ANKRD55: variants seen among roughly 807,000 people sequenced by gnomAD.
ANKRD55 encodes ankyrin repeat domain 55.
In ANKRD55, 41 loss-of-function variants were observed where a neutral mutation model predicts 60.6. The ratio of observed to expected loss-of-function variants is 0.68; its 90% CI spans 0.53 to 0.88. The LOEUF is 0.88. Ranked by LOEUF, ANKRD55 falls within the 40% of genes least tolerant of loss-of-function variation. The probability of loss-of-function intolerance (pLI) is 0.00; values close to 1 mark genes in which losing one functional copy is unlikely to be tolerated. For synonymous variants in ANKRD55, 264 were observed against 290.3 expected (o/e 0.91, Z 0.92); for missense variants, 732 against 767.6 (o/e 0.95, Z 0.55).
At chr5:56,137,142 C>G in intron 7 of ANKRD55, 1 of 1,377,090 alleles carries the variant, frequency 7.3e-7, no homozygotes, top group Admixed American at 1.7e-5. Context: ...TTTACAGAAA[C>G]AGTGTGTACC....
At chr5:56,134,877 A>T (rs1757517498) in intron 7 of ANKRD55, among the ~76,000 whole-genome samples, 1 of 152,194 alleles carries the variant, frequency 6.6e-6, no homozygotes, top group African/African-American at 2.4e-5. Flanking sequence ...AGAATCTAGC[A>T]ACGTAAAAAA....
At chr5:56,174,604 C>T (rs892002872) in intron 4 of ANKRD55, among the ~76,000 whole-genome samples, 13 of 152,000 alleles carry the variant, frequency 8.6e-5, no homozygotes, top group Admixed American at 5.9e-4. Context: ...GAGGCTGAGG[C>T]GGGCAGATCA....
intron 2 of ANKRD55, among the ~76,000 whole-genome samples, chr5:56,188,356 A>AC (rs1412949365): frequency 3.2e-4 from 39 of 122,092 alleles, no homozygotes; most frequent in East Asian, 3.0e-3. Context: ...CAACCCCGCC[A>AC]CCCCCCTACA....
At chr5:56,231,808 C>T (rs1217601056) in intron 2 of ANKRD55, among the ~76,000 whole-genome samples, 3 of 151,988 alleles carry the variant, frequency 2.0e-5, no homozygotes, top group Admixed American at 1.3e-4. Context: ...TTTGGAGAAA[C>T]CCCCTGGGCT....
chr5:56,197,743 G>A (rs1275358883), intron 2 of ANKRD55, among the ~76,000 whole-genome samples: 3 of 152,076 alleles, frequency 2.0e-5, no homozygotes, highest in Non-Finnish European at 4.4e-5. Flanking sequence ...AATTTCAGAG[G>A]AGTTTTTCTT....
intron 9 of ANKRD55, among the ~76,000 whole-genome samples, chr5:56,112,510 A>AAAAAAAAAACAAAAAAAAAAAAAAAC (rs1756750549): frequency 3.6e-5 from 5 of 138,002 alleles, no homozygotes; most frequent in African/African-American, 1.3e-4. Flanking sequence ...CTAGCAAAAA[A>AAAAAAAAAACAAAAAAAAAAAAAAAC]AAAAAAAAAA....
At chr5:56,184,201 G>C (rs1758915805) in intron 2 of ANKRD55, among the ~76,000 whole-genome samples, 1 of 152,236 alleles carries the variant, frequency 6.6e-6, no homozygotes, top group South Asian at 2.1e-4. Context: ...GGAGAAGAGA[G>C]AGATGGGACA....
chr5:56,185,089 G>A (rs1265597798), intron 2 of ANKRD55, among the ~76,000 whole-genome samples: 1 of 152,078 alleles, frequency 6.6e-6, no homozygotes, highest in Non-Finnish European at 1.5e-5. Context: ...CAGGTGTGGT[G>A]GCATGTGCCT....
At chr5:56,202,337 G>T (rs1759399775) in intron 2 of ANKRD55, among the ~76,000 whole-genome samples, 1 of 152,042 alleles carries the variant, frequency 6.6e-6, no homozygotes, top group Non-Finnish European at 1.5e-5. Context: ...AACAAAGTGT[G>T]CCTGTTGTTA....
intron 5 of ANKRD55, among the ~76,000 whole-genome samples, chr5:56,166,644 G>A (rs940709389): frequency 5.3e-5 from 8 of 151,724 alleles, no homozygotes; most frequent in East Asian, 1.9e-4. Flanking sequence ...GAGAAAACAC[G>A]GGCAGGAAAA....
intron 2 of ANKRD55, among the ~76,000 whole-genome samples, chr5:56,198,802 G>C (rs1423097465): frequency 1.3e-5 from 2 of 149,660 alleles, no homozygotes; most frequent in Non-Finnish European, 3.0e-5. Flanking sequence ...TTAGGGGCTG[G>C]GCAGCGGTGG....
intron 4 of ANKRD55, among the ~76,000 whole-genome samples, chr5:56,173,600 A>ATATT (rs1554041257): frequency 7.3e-6 from 1 of 136,814 alleles, no homozygotes; most frequent in African/African-American, 2.9e-5. Flanking sequence ...ATATATATAT[A>ATATT]TATATATCTT....
At chr5:56,204,555 C>T (rs935103753) in intron 2 of ANKRD55, among the ~76,000 whole-genome samples, 1 of 152,104 alleles carries the variant, frequency 6.6e-6, no homozygotes, top group Admixed American at 6.5e-5. Context: ...CTTGGCACTT[C>T]TCCTTCCTGC....
intron 5 of ANKRD55, among the ~76,000 whole-genome samples, chr5:56,161,437 C>T (rs191665300): frequency 2.0e-5 from 3 of 152,316 alleles, no homozygotes; most frequent in East Asian, 3.9e-4. Context: ...AAATCTTTAT[C>T]GTCTCTCAGA....
rs6860472 is a variant in ANKRD55 at position 56,102,475 on chromosome 5, G to C, written c.1723+19C>G. 2.7e-5 allele frequency: 42 copies of C among 1,533,898 alleles called. No homozygotes were observed. The highest frequency in any genetic ancestry group is 3.7e-5 in the Non-Finnish European group (41 of 1,109,264). ...GTTAACACTTGCAAAGGAAGCTGCG[G>C]AAGATTCATAATACTTACATTTTTG... is the stretch of plus-strand genomic sequence containing the variant. On this transcript the variant is annotated intron_variant, in intron 11 of 11. Transcript: ENST00000341048.
chr5:56,215,875 G>C (rs1339726916), intron 2 of ANKRD55, among the ~76,000 whole-genome samples: 1 of 151,912 alleles, frequency 6.6e-6, no homozygotes, highest in Non-Finnish European at 1.5e-5. Context: ...AGGAGTACTG[G>C]CTAGTATTCT....
chr5:56,153,062 ATAAAC>A (rs1354226716), intron 6 of ANKRD55, among the ~76,000 whole-genome samples: 1 of 152,228 alleles, frequency 6.6e-6, no homozygotes, highest in Non-Finnish European at 1.5e-5. Context: ...TATTCAGCAT[ATAAAC>A]TAAACTCCTA....
At position 56,133,381 on chromosome 5, in the gene ANKRD55, G is replaced by A. The variant is rs1757476952; in HGVS notation, c.613-6275C>T. Among the ~76,000 whole-genome samples, 2 of 149,592 alleles carry A rather than the reference G, an allele frequency of 1.3e-5. 1 individual carries two copies. Among genetic ancestry groups the A allele is most frequent in the Non-Finnish European group, 3.0e-5 (2 of 67,588 alleles). On this transcript the variant is annotated intron_variant, in intron 7 of 11. Transcript: ENST00000341048. ...TTGAACCTAGGAGGCGGAGGTTGTA[G>A]TGAGCCGAGATTGTGCCACTGCACT... is the stretch of plus-strand genomic sequence containing the variant.
intron 10 of ANKRD55, among the ~76,000 whole-genome samples, chr5:56,105,488 C>A (rs1756431988): frequency 6.6e-6 from 1 of 152,140 alleles, no homozygotes; most frequent in African/African-American, 2.4e-5. Flanking sequence ...TGAGCTGGTT[C>A]TTAAAAGATT....
Sources: gnomAD v4.1 joint callset for allele counts (sites outside exome capture counted in the v4.1 genomes callset) on GRCh38, gnomAD v4.1.1 for gene constraint, MANE v1.5 for transcripts, NCBI Gene and HGNC (gene_info 2026-07-23, HGNC 2026-07-21) for gene names.